Variants in CDIN1 observed in about 807,000 individuals in gnomAD.
The protein encoded by CDIN1 is CDAN1 interacting nuclease 1, also known as CDAN1-interacting nuclease 1.
CDIN1 carries 33 observed loss-of-function variants against 45.3 expected under a neutral mutation model. The ratio of observed to expected loss-of-function variants is 0.73; its 90% CI spans 0.55 to 0.97. CDIN1 has a LOEUF of 0.97. CDIN1 is among the 50% of genes least tolerant of loss of function. The probability of loss-of-function intolerance (pLI) is 0.00; values close to 1 mark genes in which losing one functional copy is unlikely to be tolerated. For missense variants in CDIN1, 303 were observed against 339.4 expected (o/e 0.89, Z 0.84); for synonymous variants, 118 against 124.4 (o/e 0.95, Z 0.34).
chr15:36,679,438 C>A (rs1022929130), intron 5 of CDIN1, among the ~76,000 whole-genome samples: 1 of 152,132 alleles, frequency 6.6e-6, no homozygotes, highest in African/African-American at 2.4e-5. Flanking sequence ...AACAAGGATA[C>A]TGAGAGGTGT....
intron 1 of CDIN1, chr15:36,617,485 C>T (rs190803631): frequency 4.5e-5 from 41 of 918,778 alleles, no homozygotes; most frequent in East Asian, 1.4e-4. Context: ...CTGGTTTTCA[C>T]GAGAAAATTT....
At chr15:36,670,115 A>G (rs1232856553) in intron 5 of CDIN1, among the ~76,000 whole-genome samples, 1 of 152,002 alleles carries the variant, frequency 6.6e-6, no homozygotes, top group Non-Finnish European at 1.5e-5. Flanking sequence ...TCATTTTTAT[A>G]TTTGAACTTA....
chr15:36,710,496 C>T (rs1185391729), intron 10 of CDIN1, among the ~76,000 whole-genome samples: 3 of 152,110 alleles, frequency 2.0e-5, no homozygotes, highest in African/African-American at 7.2e-5. Context: ...TGTTTATCTA[C>T]CACATGTCCG....
At chr15:36,608,978 T>C (rs2038515237) in intron 1 of CDIN1, among the ~76,000 whole-genome samples, 1 of 82,580 alleles carries the variant, frequency 1.2e-5, no homozygotes, top group African/African-American at 7.8e-5. Flanking sequence ...TGTGTGTATA[T>C]AGATAGATAG....
intron 10 of CDIN1, among the ~76,000 whole-genome samples, chr15:36,772,009 G>T (rs2054093038): frequency 6.6e-6 from 1 of 151,822 alleles, no homozygotes. Context: ...GTGCATTCAT[G>T]CTGTTAAAAG....
chr15:36,797,863 C>T (rs564834406), intron 10 of CDIN1, among the ~76,000 whole-genome samples: 1 of 151,634 alleles, frequency 6.6e-6, no homozygotes, highest in East Asian at 1.9e-4. Flanking sequence ...GCCTGTAGTC[C>T]CAGCTCCTCA....
chr15:36,668,342 T>C lies in CDIN1; in HGVS notation c.346+10437T>C, dbSNP rs1398580008. 3.3e-5 allele frequency: 5 copies of C among 152,154 alleles called. No homozygotes were observed. In the East Asian group the frequency reaches 9.6e-4, roughly 29 times the overall value. 9.4% of individuals were successfully genotyped at this position (152,154 alleles called of 1,614,324 possible). ...TAGAACTTTATAGTTTATAAGAAGT[T>C]TTGATATATTTTATTTGACACATAA... On this transcript the variant is annotated intron_variant, in intron 5 of 10. Coordinates refer to ENST00000566621, the MANE Select transcript of CDIN1 (RefSeq NM_001321759.2).
At chr15:36,598,630 T>G (rs992351182) in intron 1 of CDIN1, among the ~76,000 whole-genome samples, 5 of 152,156 alleles carry the variant, frequency 3.3e-5, no homozygotes, top group Admixed American at 1.3e-4. Context: ...ATCTGAAGTG[T>G]GAAGAATCTC....
rs148185339 is a variant in CDIN1 at position 36,659,466 on chromosome 15, A to G, written c.346+1561A>G. ...AACATACCAAGGAAAGGGTATTTCA[A>G]GAATGTGGCTGCTTGGAAAGGAGGC... is the stretch of plus-strand genomic sequence containing the variant. On this transcript the variant is annotated intron_variant, in intron 5 of 10. Transcript: ENST00000566621. 2.1e-4 allele frequency among the ~76,000 whole-genome samples: 32 copies of G among 152,332 alleles called. No individual in the cohort carries two copies. The East Asian group carries it at 6.0e-3, about 28-fold the overall frequency.
intron 1 of CDIN1, among the ~76,000 whole-genome samples, chr15:36,619,912 G>T: frequency 6.6e-6 from 1 of 151,832 alleles, no homozygotes; most frequent in East Asian, 1.9e-4. Flanking sequence ...AACTTGAGTA[G>T]ATTTTTTTTT....
At position 36,709,927 on chromosome 15, in the gene CDIN1, T is replaced by C; in HGVS notation, c.682T>C (p.Tyr228His). Residue 228 changes from tyrosine to histidine, a missense_variant, in exon 10 of 11, where the codon TAC (tyrosine) becomes CAC (histidine). Transcript: ENST00000566621. ...TGGTGATGAATGTAGCCACCACGCC[T>C]ACCTGCATGACCAGTTCTGGAGCTA... The part of the protein sequence containing the change: ...SFGDECSHHA[Y>H]LHDQFWSYWN... 6.2e-7 allele frequency: 1 copy of C among 1,613,226 alleles called. No individual in the cohort carries two copies.
At chr15:36,650,925 T>A (rs66820303) in intron 3 of CDIN1, among the ~76,000 whole-genome samples, 35,117 of 151,732 alleles carry the variant, frequency 0.23, 4,345 homozygotes, top group Admixed American at 0.34. Context: ...TAGCCAGGTG[T>A]GGTGGCACGC....
chr15:36,593,877 T>A (rs570635379), intron 1 of CDIN1, among the ~76,000 whole-genome samples: 17 of 152,318 alleles, frequency 1.1e-4, no homozygotes, highest in Non-Finnish European at 2.4e-4. Context: ...TGAGAGTTTT[T>A]AAAATGATCT....
chr15:36,627,059 G>T (rs2039462030), intron 1 of CDIN1: 1 of 170,376 alleles, frequency 5.9e-6, no homozygotes, highest in South Asian at 1.5e-4. Context: ...GAGATGGTCT[G>T]GGATGAGTCT....
Position 36,697,367 on chromosome 15 carries a change from T to A in CDIN1, c.521T>A (p.Leu174Gln). The A allele has an allele frequency of 6.2e-7, 1 of 1,612,406 alleles. No homozygotes were observed. Among genetic ancestry groups the A allele is most frequent in the African/African-American group, 1.3e-5 (1 of 74,890 alleles). ...EHEVLLRDLL[L>Q]EKNLSFLDED... ...GAGGTCCTGCTGAGAGACTTGCTTC[T>A]AGAGAAAAACCTGTCCTTCCTAGGT... is the stretch of plus-strand genomic sequence containing the variant. The change falls in exon 8 of 11, where the codon CTA (leucine) becomes CAA (glutamine). Residue 174 changes from leucine to glutamine, a missense_variant. By Grantham distance (113) the Leu-to-Gln change is moderately radical. Coordinates refer to ENST00000566621, the MANE Select transcript of CDIN1 (RefSeq NM_001321759.2).
At chr15:36,603,848 A>G (rs2140243360) in intron 1 of CDIN1, among the ~76,000 whole-genome samples, 1 of 152,282 alleles carries the variant, frequency 6.6e-6, no homozygotes, top group South Asian at 2.1e-4. Context: ...GGCAACATTA[A>G]ACATTATTTT....
At chr15:36,789,450 G>A (rs1043959273) in intron 10 of CDIN1, among the ~76,000 whole-genome samples, 4 of 152,100 alleles carry the variant, frequency 2.6e-5, no homozygotes, top group East Asian at 1.9e-4. Flanking sequence ...AATCTTCTGC[G>A]ACCTTCCTAG....
chr15:36,626,194 AT>A (rs945548734), intron 1 of CDIN1, among the ~76,000 whole-genome samples: 12 of 148,768 alleles, frequency 8.1e-5, no homozygotes, highest in South Asian at 6.4e-4. Context: ...TATTCAAATC[AT>A]TTTTTTTTTC....
chr15:36,595,626 CTGCAAAA>C (rs11277287), intron 1 of CDIN1, among the ~76,000 whole-genome samples: 31,844 of 152,018 alleles, frequency 0.21, 3,411 homozygotes, highest in South Asian at 0.34. Flanking sequence ...TTAATCGAGC[CTGCAAAA>C]TATATTCCCT....
Sources: allele counts gnomAD v4.1 joint callset (sites outside exome capture counted in the v4.1 genomes callset), GRCh38; gene constraint gnomAD v4.1.1; transcripts MANE v1.5; gene names NCBI Gene and HGNC (gene_info 2026-07-23, HGNC 2026-07-21).